Variants in KCNIP4 observed in about 807,000 individuals in gnomAD.
KCNIP4 encodes the protein potassium voltage-gated channel interacting protein 4, also known as Kv channel-interacting protein 4.
KCNIP4 carries 12 observed loss-of-function variants against 34.0 expected under a neutral mutation model. The ratio of observed to expected loss-of-function variants is 0.35; its 90% CI spans 0.23 to 0.57. The LOEUF (loss-of-function observed/expected upper bound fraction) is 0.57, where lower values mean the gene tolerates loss of function less well. Ranked by LOEUF, KCNIP4 falls within the 20% of genes least tolerant of loss-of-function variation. The pLI, the probability that KCNIP4 is intolerant of heterozygous loss-of-function variation, is 0.83. For missense variants in KCNIP4, 238 were observed against 311.7 expected (o/e 0.76, Z 1.78); for synonymous variants, 124 against 102.2 (o/e 1.21, Z -1.29).
At chr4:21,331,671 T>TTTTATGATATTTCACTTTCTC (rs6148331) in intron 1 of KCNIP4, among the ~76,000 whole-genome samples, 75,543 of 151,892 alleles carry the variant, frequency 0.5, 19,525 homozygotes, top group African/African-American at 0.62. Context: ...ACAAGAAATA[T>TTTTATGATATTTCACTTTCTC]TGCCTTACAT....
intron 2 of KCNIP4, among the ~76,000 whole-genome samples, chr4:20,853,161 G>T (rs1262830282): frequency 6.6e-6 from 1 of 152,172 alleles, no homozygotes; most frequent in East Asian, 1.9e-4. Flanking sequence ...CCAAAAAAGA[G>T]CCCGCATGGC....
intron 1 of KCNIP4, among the ~76,000 whole-genome samples, chr4:21,768,126 T>G (rs930166909): frequency 3.3e-5 from 5 of 152,074 alleles, no homozygotes; most frequent in African/African-American, 1.2e-4. Context: ...GCTTCTAAAT[T>G]TATGATTTGT....
In KCNIP4 at chr4:21,587,057, C is replaced by G. The variant is rs558535897; in HGVS notation, c.61+361514G>C. Among the ~76,000 whole-genome samples, 3 of 152,168 alleles carry G rather than the reference C, an allele frequency of 2.0e-5. No homozygotes were observed. The Middle Eastern group carries it at 0.01, about 518-fold the overall frequency. ...TCAAGAAGGTTGAAGTTATTACCCA[C>G]CAAGGACTGCTTTGCATCTACTTTG... On this transcript the variant is annotated intron_variant, in intron 1 of 8. Coordinates refer to ENST00000382152, the MANE Select transcript of KCNIP4 (RefSeq NM_025221.6).
At chr4:21,903,150 G>A (rs1030331942) in intron 1 of KCNIP4, among the ~76,000 whole-genome samples, 2 of 152,146 alleles carry the variant, frequency 1.3e-5, no homozygotes, top group African/African-American at 4.8e-5. Context: ...CTCTGATTGT[G>A]TCTACAACAT....
chr4:21,824,726 C>T (rs1165386380), intron 1 of KCNIP4, among the ~76,000 whole-genome samples: 2 of 152,110 alleles, frequency 1.3e-5, no homozygotes, highest in Non-Finnish European at 2.9e-5. Flanking sequence ...AACTATTTTT[C>T]TATTCCAGTT....
chr4:21,462,374 A>G (rs754991090), intron 1 of KCNIP4, among the ~76,000 whole-genome samples: 36 of 152,136 alleles, frequency 2.4e-4, no homozygotes, highest in Non-Finnish European at 4.4e-4. Flanking sequence ...GCGGCAGGCA[A>G]AGAGCTTCTG....
chr4:21,011,966 C>G (rs1739100525), intron 1 of KCNIP4, among the ~76,000 whole-genome samples: 1 of 152,224 alleles, frequency 6.6e-6, no homozygotes, highest in Non-Finnish European at 1.5e-5. Context: ...GAAGCTCTAA[C>G]TGGTCTTAAC....
chr4:20,741,216 C>G (rs555522003), intron 5 of KCNIP4, among the ~76,000 whole-genome samples: 1 of 152,200 alleles, frequency 6.6e-6, no homozygotes, highest in South Asian at 2.1e-4. Flanking sequence ...CTGCAGCAAG[C>G]GGACCTAATA....
intron 1 of KCNIP4, chr4:20,983,805 C>A: frequency 6.5e-7 from 1 of 1,535,912 alleles, no homozygotes; most frequent in Non-Finnish European, 8.7e-7. Context: ...ACTGGAGCGA[C>A]CACTTTACCT....
chr4:21,841,762 T>A (rs1253701043), intron 1 of KCNIP4, among the ~76,000 whole-genome samples: 1 of 152,190 alleles, frequency 6.6e-6, no homozygotes, highest in Non-Finnish European at 1.5e-5. Flanking sequence ...ATGATATTTT[T>A]AAAAAATTAG....
intron 1 of KCNIP4, among the ~76,000 whole-genome samples, chr4:21,681,286 T>G (rs1000912341): frequency 6.6e-6 from 1 of 152,012 alleles, no homozygotes. Flanking sequence ...TTTTTTTTTT[T>G]TTTAAAGACA....
chr4:20,821,777 C>T lies in KCNIP4; in HGVS notation c.288+28766G>A, dbSNP rs148136961. Reference sequence around the variant, plus strand: ...GTTACTTTACCTAGAAAAATGGCCTCCAACTCCATTCAAATTGCTGCAAAA... The same window carrying T: ...GTTACTTTACCTAGAAAAATGGCCTTCAACTCCATTCAAATTGCTGCAAAA... On this transcript the variant is annotated intron_variant, in intron 3 of 8. Coordinates refer to ENST00000382152, the MANE Select transcript of KCNIP4 (RefSeq NM_025221.6). 2.9e-3 allele frequency among the ~76,000 whole-genome samples: 449 copies of T among 152,260 alleles called. 2 individuals carry two copies. The highest frequency in any genetic ancestry group is 4.4e-3 in the Non-Finnish European group (298 of 68,030).
At chr4:21,192,045 T>A (rs149079331) in intron 1 of KCNIP4, among the ~76,000 whole-genome samples, 2 of 152,176 alleles carry the variant, frequency 1.3e-5, no homozygotes, top group Admixed American at 6.5e-5. Flanking sequence ...TGATTTTGAA[T>A]CCTTTCCTCT....
At chr4:21,347,519 G>A (rs1717573449) in intron 1 of KCNIP4, among the ~76,000 whole-genome samples, 2 of 152,204 alleles carry the variant, frequency 1.3e-5, no homozygotes, top group South Asian at 4.2e-4. Context: ...AGCTCCTTGT[G>A]ATGTGAAGCA....
chr4:21,474,079 A>C (rs905211018), intron 1 of KCNIP4, among the ~76,000 whole-genome samples: 73 of 152,172 alleles, frequency 4.8e-4, no homozygotes, highest in African/African-American at 1.6e-3. Context: ...GTGGAGTAAC[A>C]GAACTTGATG....
chr4:21,406,824 G>A (rs1724033823), intron 1 of KCNIP4, among the ~76,000 whole-genome samples: 1 of 152,170 alleles, frequency 6.6e-6, no homozygotes, highest in Admixed American at 6.5e-5. Context: ...GATGAAATCT[G>A]AGCTTTCAGG....
chr4:21,471,977 T>C (rs1730505266), intron 1 of KCNIP4, among the ~76,000 whole-genome samples: 1 of 152,220 alleles, frequency 6.6e-6, no homozygotes, highest in Non-Finnish European at 1.5e-5. Context: ...AAATACTTCA[T>C]GAACTGAAAT....
chr4:20,738,964 C>G (rs1750377434), intron 5 of KCNIP4, among the ~76,000 whole-genome samples: 1 of 152,178 alleles, frequency 6.6e-6, no homozygotes, highest in Non-Finnish European at 1.5e-5. Context: ...TCAGAGTGGC[C>G]CACACCCACA....
At chr4:20,894,022 A>C (rs1406975806) in intron 1 of KCNIP4, among the ~76,000 whole-genome samples, 1 of 152,068 alleles carries the variant, frequency 6.6e-6, no homozygotes, top group Non-Finnish European at 1.5e-5. Flanking sequence ...CTGGGATTAC[A>C]GGTGCCTGCC....
Sources: gnomAD v4.1 joint callset for allele counts (sites outside exome capture counted in the v4.1 genomes callset) on GRCh38, gnomAD v4.1.1 for gene constraint, MANE v1.5 for transcripts, NCBI Gene and HGNC (gene_info 2026-07-23, HGNC 2026-07-21) for gene names.